The following CNNM4 variants were observed in gnomAD, a reference collection of about 807,000 sequenced individuals.
The protein encoded by CNNM4 is metal transporter CNNM4.
In CNNM4, 32 loss-of-function variants were observed where a neutral mutation model predicts 53.7. The ratio of observed to expected loss-of-function variants is 0.60; its 90% CI spans 0.45 to 0.80. CNNM4 has a LOEUF of 0.80. CNNM4 is among the 30% of genes least tolerant of loss of function. The pLI, the probability that CNNM4 is intolerant of heterozygous loss-of-function variation, is 0.00. For missense variants in CNNM4, 784 were observed against 1,022.0 expected, an observed-to-expected ratio of 0.77 and a Z score of 3.17; for synonymous variants, 410 against 440.0, an observed-to-expected ratio of 0.93 and a Z score of 0.85.
intron 1 of CNNM4, among the ~76,000 whole-genome samples, chr2:96,772,911 C>T (rs1185232500): frequency 1.4e-5 from 2 of 145,350 alleles, no homozygotes; most frequent in Admixed American, 6.9e-5. Context: ...CACCCATGCA[C>T]GCACACACAC....
chr2:96,761,048 G>A lies in CNNM4; in HGVS notation c.49G>A (p.Gly17Arg). Residue 17 changes from glycine to arginine, a missense_variant, in exon 1 of 7, where the codon GGG (glycine) becomes AGG (arginine). Physicochemically the swap from Gly to Arg is moderately radical, Grantham distance 125 (BLOSUM62 -2). Around this residue, in one of 3 missense-constraint regions of CNNM4, gnomAD observed 473 missense variants for 624.6 expected, o/e 0.76. Coordinates refer to ENST00000377075, the MANE Select transcript of CNNM4 (RefSeq NM_020184.4). The surrounding 1 kb of genome is among the most constrained non-coding windows in gnomAD (Gnocchi z 6.0). ...GCGCCCGGTCGGCGGACCGGCCCGC[G>A]GGCGCCTCCTCCTGGCGGCGCCGGT... ...GGRPVGGPAR[G>R]RLLLAAPVLL... 1 of 1,236,182 alleles carries A rather than the reference G, an allele frequency of 8.1e-7. No homozygotes were observed. The highest frequency in any genetic ancestry group is 4.1e-5 in the South Asian group (1 of 24,646). The allele number at this position is 1,236,182 out of a possible 1,614,324, so 76.6% of individuals were successfully genotyped here. A position where few individuals can be genotyped will look rare whatever the true frequency, so the allele number is the denominator to read the frequency against.
rs2079240600 is a variant in CNNM4, at chr2:96,809,654, A to T, written c.*137A>T. On this transcript the variant is annotated 3_prime_UTR_variant, in exon 7 of 7. Transcript: ENST00000377075. ...TGAACAGCCAGATGGCCCCCAGCCT[A>T]TGGGGGATCTGGCCTCTGCCAGGGA... is the stretch of plus-strand genomic sequence containing the variant. The T allele has an allele frequency of 3.9e-6, 3 of 767,658 alleles. No individual in the cohort carries two copies. The highest frequency in any genetic ancestry group is 4.3e-6 in the Non-Finnish European group (2 of 468,136). The allele number at this position is 767,658 out of a possible 1,614,324, so 47.6% of individuals were successfully genotyped here. A position where few individuals can be genotyped will look rare whatever the true frequency, so the allele number is the denominator to read the frequency against.
At chr2:96,794,416 C>T (rs1056476818) in intron 1 of CNNM4, among the ~76,000 whole-genome samples, 1 of 152,198 alleles carries the variant, frequency 6.6e-6, no homozygotes, top group African/African-American at 2.4e-5. Flanking sequence ...GCTTCCAGGG[C>T]AGTTCAAGCC....
chr2:96,774,751 G>T (rs2078908748), intron 1 of CNNM4, among the ~76,000 whole-genome samples: 1 of 152,046 alleles, frequency 6.6e-6, no homozygotes, highest in African/African-American at 2.4e-5. Flanking sequence ...ATCACCTGAG[G>T]TTAGGAGTTC....
intron 1 of CNNM4, 43 bp downstream of exon 1, chr2:96,762,444 G>A (rs369416762): frequency 4.5e-6 from 7 of 1,561,056 alleles, no homozygotes; most frequent in Middle Eastern, 3.3e-4. Flanking sequence ...TCCTCTTGAC[G>A]CCTCTTTTCC....
chr2:96,799,873 G>T (rs573405911), intron 5 of CNNM4, among the ~76,000 whole-genome samples: 1 of 152,334 alleles, frequency 6.6e-6, no homozygotes, highest in East Asian at 1.9e-4. Context: ...GAAAAGAGGA[G>T]TGAGGGATTT....
Position 96,785,403 on chromosome 2 carries a change from G to A in CNNM4, c.1403-11609G>A, listed in dbSNP as rs138011648. ...TGTAATCTTAGCACTTTGGGAGGCT[G>A]AGGCAGGAGGATTCCTGTAGCCCCA... On this transcript the variant is annotated intron_variant, in intron 1 of 6. Coordinates refer to ENST00000377075, the MANE Select transcript of CNNM4 (RefSeq NM_020184.4). Among the ~76,000 whole-genome samples the A allele has an allele frequency of 5.6e-3, 853 of 152,000 alleles. 10 individuals are homozygous for A. The highest frequency in any genetic ancestry group is 0.02 in the African/African-American group (815 of 41,436).
Position 96,777,819 on chromosome 2 carries a change from G to A in CNNM4, c.1402+15418G>A, listed in dbSNP as rs767830040. On this transcript the variant is annotated intron_variant, in intron 1 of 6. Coordinates refer to ENST00000377075, the MANE Select transcript of CNNM4 (RefSeq NM_020184.4). The stretch of plus-strand genomic sequence containing the variant: ...GCCTGGCCAACTTTGTGTATTTTTT[G>A]TAGAGAGAGGGTTTTCCCTGTGTTG... Among the ~76,000 whole-genome samples the A allele has an allele frequency of 3.0e-4, 46 of 151,314 alleles. 1 individual carries two copies. The Middle Eastern group carries it at 0.021, about 68-fold the overall frequency.
At chr2:96,779,576 A>G (rs2078955634) in intron 1 of CNNM4, among the ~76,000 whole-genome samples, 3 of 150,848 alleles carry the variant, frequency 2.0e-5, no homozygotes, top group Non-Finnish European at 2.9e-5. Flanking sequence ...CCCTTTTCTC[A>G]CTGGACTGTG....
Position 96,790,675 on chromosome 2 carries a change from C to A in CNNM4, c.1403-6337C>A, listed in dbSNP as rs188774807. Among the ~76,000 whole-genome samples, 216 of 145,388 alleles carry A rather than the reference C, an allele frequency of 1.5e-3. 7 individuals carry two copies. The East Asian group carries it at 0.045, about 30-fold the overall frequency. On this transcript the variant is annotated intron_variant, in intron 1 of 6. Coordinates refer to ENST00000377075, the MANE Select transcript of CNNM4 (RefSeq NM_020184.4). Reference sequence around the variant, plus strand: ...GGCCTAATGGATGTGTTTTTTTTTTCTCATTATGAGATTAATACTATTGGC... The same window carrying A: ...GGCCTAATGGATGTGTTTTTTTTTTATCATTATGAGATTAATACTATTGGC...
Position 96,808,831 on chromosome 2 carries a change from C to A in CNNM4, c.2130+89C>A. ...CATCCACCAAACCCAGCATGGTGGGCCCAAACCCGAGATGCCTTTTTCTTC... is the reference window on the plus strand; with the variant it reads ...CATCCACCAAACCCAGCATGGTGGGACCAAACCCGAGATGCCTTTTTCTTC... On this transcript the variant is annotated intron_variant, in intron 6 of 6. Transcript: ENST00000377075. The surrounding 1 kb of genome is among the most constrained non-coding windows in gnomAD (Gnocchi z 4.9). 1 of 1,344,332 alleles carries A rather than the reference C, an allele frequency of 7.4e-7. No homozygotes were observed. The highest frequency in any genetic ancestry group is 1.1e-6 in the Non-Finnish European group (1 of 945,754). 83.3% of individuals were successfully genotyped at this position (1,344,332 alleles called of 1,614,324 possible). A position where few individuals can be genotyped will look rare whatever the true frequency, so the allele number is the denominator to read the frequency against.
intron 1 of CNNM4, among the ~76,000 whole-genome samples, chr2:96,796,460 C>T (rs1181215874): frequency 6.6e-6 from 1 of 151,932 alleles, no homozygotes; most frequent in Non-Finnish European, 1.5e-5. Flanking sequence ...CATTTTTATC[C>T]GATTTAAACA....
chr2:96,762,866 C>A (rs2078778350), intron 1 of CNNM4, among the ~76,000 whole-genome samples: 1 of 152,038 alleles, frequency 6.6e-6, no homozygotes, highest in African/African-American at 2.4e-5. Context: ...AGCAGAGAAC[C>A]GGAGTGGAGA....
At chr2:96,796,325 A>G (rs1343235226) in intron 1 of CNNM4, among the ~76,000 whole-genome samples, 2 of 151,250 alleles carry the variant, frequency 1.3e-5, no homozygotes, top group East Asian at 3.9e-4. Context: ...TTGTATTTTT[A>G]GTAGAGATGG....
At chr2:96,795,297 C>T (rs1031667525) in intron 1 of CNNM4, among the ~76,000 whole-genome samples, 1 of 152,254 alleles carries the variant, frequency 6.6e-6, no homozygotes, top group East Asian at 1.9e-4. Context: ...CCGCTGCCGC[C>T]CTGCTGGAGG....
At chr2:96,776,452 G>A (rs1038985351) in intron 1 of CNNM4, among the ~76,000 whole-genome samples, 6 of 152,090 alleles carry the variant, frequency 3.9e-5, no homozygotes, top group Non-Finnish European at 8.8e-5. Context: ...ACCTTGAATA[G>A]TTATGTGTTC....
chr2:96,776,307 C>T lies in CNNM4; in HGVS notation c.1402+13906C>T, dbSNP rs142994912. Among the ~76,000 whole-genome samples, 1,277 of 152,104 alleles carry T rather than the reference C, an allele frequency of 8.4e-3. 24 individuals carry two copies. The highest frequency in any genetic ancestry group is 0.029 in the African/African-American group (1,202 of 41,490). ...CCTCCGAAAGTGCTGGGATTACAGG[C>T]GTGAGCCACTGCACCCGGCCGCCAT... On this transcript the variant is annotated intron_variant, in intron 1 of 6. Transcript: ENST00000377075.
intron 1 of CNNM4, among the ~76,000 whole-genome samples, chr2:96,772,547 G>A (rs1419467983): frequency 9.8e-6 from 1 of 101,666 alleles, no homozygotes; most frequent in Admixed American, 1.2e-4. Context: ...ACACACATGC[G>A]TGCACACACA....
intron 1 of CNNM4, among the ~76,000 whole-genome samples, chr2:96,785,663 G>T (rs550469123): frequency 6.6e-6 from 1 of 151,790 alleles, no homozygotes; most frequent in African/African-American, 2.4e-5. Context: ...AATTAGCTGG[G>T]CGTGGTAGCA....
Sources: gnomAD v4.1 joint callset for allele counts (sites outside exome capture counted in the v4.1 genomes callset) on GRCh38, gnomAD v4.1.1 for gene constraint, gnomAD v4.1.1 regional missense constraint, Gnocchi (gnomAD v3.1) non-coding constraint, MANE v1.5 for transcripts, NCBI Gene and HGNC (gene_info 2026-07-23, HGNC 2026-07-21) for gene names.